Variants in ANKS1B observed in about 807,000 individuals in gnomAD.
ANKS1B encodes ankyrin repeat and sterile alpha motif domain-containing protein 1B.
In ANKS1B, 36 loss-of-function variants were observed where a neutral mutation model predicts 148.3. The ratio of observed to expected loss-of-function variants is 0.24; its 90% confidence interval spans 0.19 to 0.32. The LOEUF is 0.32. Among genes scored for constraint, ANKS1B ranks in the 10% least tolerant of loss-of-function variants. ANKS1B has a pLI of 1.00. For missense variants in ANKS1B, 1,157 were observed against 1,542.6 expected, an observed-to-expected ratio of 0.75 and a Z score of 4.19; for synonymous variants, 542 against 560.8, an observed-to-expected ratio of 0.97 and a Z score of 0.47.
chr12:98,792,287 C>A (rs2153559075), intron 22 of ANKS1B, among the ~76,000 whole-genome samples: 1 of 152,196 alleles, frequency 6.6e-6, no homozygotes. Flanking sequence ...ACAGATATTT[C>A]TTTTTTGGGG....
intron 12 of ANKS1B, among the ~76,000 whole-genome samples, chr12:99,380,888 T>C (rs2093618084): frequency 6.6e-6 from 1 of 152,094 alleles, no homozygotes. Flanking sequence ...GTAGAAATCA[T>C]AATCTCTGTC....
In ANKS1B at chr12:98,829,431, A is replaced by C. The variant is rs565230556; in HGVS notation, c.2887-78T>G. On this transcript the variant is annotated intron_variant, in intron 18 of 26. Transcript: ENST00000683438. This position sits in a 1 kb window ranked among gnomAD's most constrained non-coding sequence, Gnocchi z 5.2. The stretch of plus-strand genomic sequence containing the variant: ...GTTTCAAAATTGTGAAATACTGACA[A>C]GACAAACTGTGGGGGTGGGGAGTCG... 6.9e-6 allele frequency: 10 copies of C among 1,449,648 alleles called. No individual in the cohort carries two copies. In the Admixed American group the frequency reaches 2.0e-4, roughly 29 times the overall value. 89.8% of individuals were successfully genotyped at this position (1,449,648 alleles called of 1,614,324 possible).
intron 9 of ANKS1B, among the ~76,000 whole-genome samples, chr12:99,651,979 T>G (rs2098422713): frequency 1.3e-5 from 2 of 151,486 alleles, no homozygotes; most frequent in South Asian, 4.1e-4. Context: ...TATTATATTT[T>G]TAATTGCAAA....
intron 8 of ANKS1B, among the ~76,000 whole-genome samples, chr12:99,706,896 C>T (rs145859581): frequency 2.0e-3 from 298 of 152,120 alleles, no homozygotes; most frequent in African/African-American, 6.9e-3. Flanking sequence ...CTGCCAACAG[C>T]CATGTGAGCT....
intron 17 of ANKS1B, among the ~76,000 whole-genome samples, chr12:98,875,483 AG>A (rs949000311): frequency 6.6e-6 from 1 of 152,080 alleles, no homozygotes; most frequent in Non-Finnish European, 1.5e-5. Flanking sequence ...AAGCCCTTCC[AG>A]TTCTCGGCAG....
At chr12:99,421,136 C>T (rs1398420285) in intron 11 of ANKS1B, among the ~76,000 whole-genome samples, 1 of 152,172 alleles carries the variant, frequency 6.6e-6, no homozygotes, top group Non-Finnish European at 1.5e-5. Context: ...AAGTATTCAT[C>T]TTCTTCTCCC....
At position 99,089,068 on chromosome 12, in the gene ANKS1B, A is replaced by C. The variant is rs554926392; in HGVS notation, c.2527-4045T>G. On this transcript the variant is annotated intron_variant, in intron 15 of 26. Coordinates refer to ENST00000683438, the MANE Select transcript of ANKS1B (RefSeq NM_001352186.2). ...TCGAACTCCTGACCTCAGGTGATCC[A>C]TCTGCCTCGGCCTCCCAAAGTGCTG... 3.9e-5 allele frequency among the ~76,000 whole-genome samples: 6 copies of C among 151,996 alleles called. No individual in the cohort carries two copies. In the East Asian group the frequency reaches 1.2e-3, roughly 29 times the overall value.
At chr12:99,618,519 G>A (rs2098002113) in intron 9 of ANKS1B, among the ~76,000 whole-genome samples, 1 of 152,030 alleles carries the variant, frequency 6.6e-6, no homozygotes, top group Non-Finnish European at 1.5e-5. Context: ...AAGATCCCTG[G>A]GAGGAGAATG....
chr12:98,925,623 A>T (rs1160055018), intron 17 of ANKS1B, among the ~76,000 whole-genome samples: 1 of 152,188 alleles, frequency 6.6e-6, no homozygotes, highest in Non-Finnish European at 1.5e-5. Context: ...TTTAACTTGC[A>T]CTTATAACCA....
At chr12:99,321,187 C>T (rs573559010) in intron 12 of ANKS1B, among the ~76,000 whole-genome samples, 4 of 152,242 alleles carry the variant, frequency 2.6e-5, no homozygotes, top group Admixed American at 6.5e-5. Context: ...GTCCTTTCTC[C>T]GATTTCAAAC....
intron 15 of ANKS1B, among the ~76,000 whole-genome samples, chr12:99,096,282 T>A (rs1020701926): frequency 6.6e-6 from 1 of 152,100 alleles, no homozygotes; most frequent in South Asian, 2.1e-4. Flanking sequence ...ATTGAAAGAG[T>A]TGACTGATAG....
intron 17 of ANKS1B, among the ~76,000 whole-genome samples, chr12:99,045,787 G>A: frequency 6.6e-6 from 1 of 152,162 alleles, no homozygotes; most frequent in Non-Finnish European, 1.5e-5. Context: ...AAAATGAGTT[G>A]CATTTGCCTG....
intron 8 of ANKS1B, among the ~76,000 whole-genome samples, chr12:99,664,126 A>G (rs1245002461): frequency 1.3e-5 from 2 of 152,190 alleles, no homozygotes; most frequent in Non-Finnish European, 2.9e-5. Context: ...TCAAAAAAAA[A>G]TGTTAAAGTC....
intron 10 of ANKS1B, among the ~76,000 whole-genome samples, chr12:99,448,948 C>T (rs1798385864): frequency 6.6e-6 from 1 of 151,986 alleles, no homozygotes; most frequent in African/African-American, 2.4e-5. Flanking sequence ...ATTCTTTTAA[C>T]CATTTATTCT....
At chr12:99,431,562 T>C (rs2095370980) in intron 11 of ANKS1B, among the ~76,000 whole-genome samples, 1 of 152,222 alleles carries the variant, frequency 6.6e-6, no homozygotes, top group African/African-American at 2.4e-5. Context: ...TGAAAAATCA[T>C]TCAGTGAAGA....
At chr12:98,996,425 T>C (rs377365443) in intron 17 of ANKS1B, among the ~76,000 whole-genome samples, 7 of 152,214 alleles carry the variant, frequency 4.6e-5, no homozygotes, top group African/African-American at 1.7e-4. Flanking sequence ...ACTTCTCCTC[T>C]TCACCCCACT....
chr12:99,982,944 G>A (rs902452441), intron 1 of ANKS1B, among the ~76,000 whole-genome samples: 1 of 152,012 alleles, frequency 6.6e-6, no homozygotes, highest in Non-Finnish European at 1.5e-5. Context: ...TAATTGCACT[G>A]TCTGACCACC....
intron 12 of ANKS1B, among the ~76,000 whole-genome samples, chr12:99,353,620 G>A (rs878910219): frequency 1.3e-5 from 2 of 151,954 alleles, no homozygotes; most frequent in Admixed American, 1.3e-4. Context: ...ATTCCTGCAT[G>A]TCAATAATGT....
intron 9 of ANKS1B, among the ~76,000 whole-genome samples, chr12:99,611,566 T>C (rs1015460870): frequency 2.6e-5 from 4 of 152,124 alleles, no homozygotes; most frequent in Non-Finnish European, 5.9e-5. Flanking sequence ...CTGTGATAAA[T>C]GAGACAGGGC....
Sources: allele counts gnomAD v4.1 joint callset (sites outside exome capture counted in the v4.1 genomes callset), GRCh38; gene constraint gnomAD v4.1.1; non-coding constraint Gnocchi (gnomAD v3.1); transcripts MANE v1.5; gene names NCBI Gene and HGNC (gene_info 2026-07-23, HGNC 2026-07-21).